The following CYP46A1 variants were observed in gnomAD, a reference collection of about 807,000 sequenced individuals.
The protein encoded by CYP46A1 is cholesterol 24-hydroxylase.
Under a neutral mutation model 63.3 loss-of-function variants are expected in CYP46A1, and 20 were observed. The ratio of observed to expected loss-of-function variants is 0.32; its 90% CI spans 0.22 to 0.46. The LOEUF is 0.46. CYP46A1 is among the 20% of genes least tolerant of loss of function. CYP46A1 has a pLI of 1.00. For missense variants in CYP46A1, 445 were observed against 670.8 expected (o/e 0.66, Z 3.72); for synonymous variants, 268 against 273.6 (o/e 0.98, Z 0.20).
At chr14:99,701,418 T>C (rs745855299) in intron 5 of CYP46A1, among the ~76,000 whole-genome samples, 9 of 152,240 alleles carry the variant, frequency 5.9e-5, no homozygotes, top group Non-Finnish European at 1.3e-4. Context: ...TTTCTATGTT[T>C]AGATATACAA....
chr14:99,713,759 A>G (rs971448555), intron 7 of CYP46A1, among the ~76,000 whole-genome samples: 1 of 148,576 alleles, frequency 6.7e-6, no homozygotes, highest in Non-Finnish European at 1.5e-5. Flanking sequence ...TTAGCCAGGC[A>G]TGGTGTTTGG....
rs2056903734 is a variant in CYP46A1 at position 99,726,684 on chromosome 14, GGCCCCGCGGCTGGCA to G, written c.1465_1479del (p.Arg489_Pro493del). Reference sequence around the variant, plus strand: ...CTGGACCCCGTGCTGTGCACCCTGCGGCCCCGCGGCTGGCAGCCCGCACCCCCACCACCCCCCTGC... The same window carrying G: ...CTGGACCCCGTGCTGTGCACCCTGCGGCCCGCACCCCCACCACCCCCCTGC... On this transcript the variant is annotated inframe_deletion, in exon 15 of 15. Transcript: ENST00000261835. 1.3e-6 allele frequency: 2 copies of G among 1,548,932 alleles called. No homozygotes were observed. Among genetic ancestry groups the G allele is most frequent in the Non-Finnish European group, 1.7e-6 (2 of 1,146,400 alleles).
intron 7 of CYP46A1, chr14:99,710,276 TAATC>T (rs1051318393): frequency 2.0e-5 from 3 of 149,966 alleles, no homozygotes; most frequent in Admixed American, 6.6e-5. Flanking sequence ...AGAAAACAAT[TAATC>T]AAACAACCAG....
intron 9 of CYP46A1, among the ~76,000 whole-genome samples, chr14:99,716,958 C>T (rs746252974): frequency 2.0e-5 from 3 of 152,244 alleles, no homozygotes; most frequent in Admixed American, 1.3e-4. Context: ...TACTGATGGA[C>T]GAAGAGGTCT....
intron 5 of CYP46A1, among the ~76,000 whole-genome samples, chr14:99,701,089 G>A (rs1188671004): frequency 6.6e-6 from 1 of 152,182 alleles, no homozygotes; most frequent in Non-Finnish European, 1.5e-5. Flanking sequence ...CAATTGAACA[G>A]TGTTTGTGTT....
At chr14:99,685,816 GCTCT>G (rs554475821) in intron 1 of CYP46A1, among the ~76,000 whole-genome samples, 1 of 150,574 alleles carries the variant, frequency 6.6e-6, no homozygotes, top group African/African-American at 2.4e-5. Context: ...CCCTTCTGGT[GCTCT>G]CTCTCTCTCT....
intron 1 of CYP46A1, among the ~76,000 whole-genome samples, chr14:99,687,778 T>G (rs1019351975): frequency 6.6e-6 from 1 of 152,058 alleles, no homozygotes; most frequent in African/African-American, 2.4e-5. Context: ...GGTGGGGGAT[T>G]GCCTCTCCTC....
intron 7 of CYP46A1, among the ~76,000 whole-genome samples, chr14:99,714,958 T>C (rs1321811908): frequency 6.6e-6 from 1 of 152,036 alleles, no homozygotes; most frequent in Admixed American, 6.6e-5. Flanking sequence ...AAAGTTGATC[T>C]CATGGAGGTA....
At chr14:99,687,006 T>C (rs528478017) in intron 1 of CYP46A1, among the ~76,000 whole-genome samples, 79 of 152,276 alleles carry the variant, frequency 5.2e-4, no homozygotes, top group African/African-American at 1.9e-3. Context: ...GTGTTGAGTC[T>C]CCAGTAGTAG....
chr14:99,694,945 T>G (rs1440605724), intron 3 of CYP46A1, among the ~76,000 whole-genome samples: 1 of 152,276 alleles, frequency 6.6e-6, no homozygotes, highest in Non-Finnish European at 1.5e-5. Context: ...CATTTCCTTC[T>G]AAGCACTGCT....
At chr14:99,716,271 C>T (rs145572617) in intron 9 of CYP46A1, 72 bp downstream of exon 9, 10 of 1,547,004 alleles carry the variant, frequency 6.5e-6, no homozygotes, top group African/African-American at 4.1e-5. Flanking sequence ...TCCCTCAAAC[C>T]CAACTCTTTG....
chr14:99,706,441 G>T, intron 5 of CYP46A1: 1 of 585,374 alleles, frequency 1.7e-6, no homozygotes, highest in Non-Finnish European at 3.0e-6. Flanking sequence ...TCCATCCTGA[G>T]TGGAGGAGAA....
rs57376439 is a variant in CYP46A1, at chr14:99,705,011, G to A, written c.444-1636G>A. 8.9e-3 allele frequency among the ~76,000 whole-genome samples: 1,358 copies of A among 152,316 alleles called. 17 individuals are homozygous for A. Among genetic ancestry groups the A allele is most frequent in the African/African-American group, 0.031 (1,298 of 41,564 alleles). On this transcript the variant is annotated intron_variant, in intron 5 of 14. Transcript: ENST00000261835. Reference sequence around the variant, plus strand: ...GGCAATGTTATAGGTGGAGGTCAGCGAGAAGCAGACTCCAGCTCTTAAGCT... The same window carrying A: ...GGCAATGTTATAGGTGGAGGTCAGCAAGAAGCAGACTCCAGCTCTTAAGCT...
intron 12 of CYP46A1, among the ~76,000 whole-genome samples, chr14:99,723,574 G>A (rs373585548): frequency 6.6e-6 from 1 of 152,210 alleles, no homozygotes; most frequent in African/African-American, 2.4e-5. Flanking sequence ...CTCCCAAATT[G>A]CTGGGATTAC....
chr14:99,700,016 C>T lies in CYP46A1; in HGVS notation c.358C>T (p.Leu120Phe). 1 of 1,472,076 alleles carries T rather than the reference C, an allele frequency of 6.8e-7. No homozygotes were observed. Among genetic ancestry groups the T allele is most frequent in the Non-Finnish European group, 9.2e-7 (1 of 1,090,884 alleles). 91.2% of individuals were successfully genotyped at this position (1,472,076 alleles called of 1,614,324 possible). Residue 120 changes from leucine to phenylalanine, a missense_variant and splice_region_variant, in exon 5 of 15, where the codon CTC becomes TTC. Transcript: ENST00000261835. ...RALQTVFGER[L>F]FGQGLVSECN... is the part of the protein sequence containing the mutation. ...GCATCACGTGTGTGTCTCCTACAGA[C>T]TCTTCGGCCAAGGCTTGGTGTCCGA... is the stretch of plus-strand genomic sequence containing the variant.
chr14:99,684,667 C>A (rs534911996), intron 1 of CYP46A1, 131 bp downstream of exon 1: 24 of 731,186 alleles, frequency 3.3e-5, no homozygotes, highest in Non-Finnish European at 4.0e-5. Context: ...TCGGCGGCCC[C>A]GAGAGGGGCG....
intron 7 of CYP46A1, among the ~76,000 whole-genome samples, chr14:99,714,676 C>T (rs1476810272): frequency 6.6e-6 from 1 of 151,794 alleles, no homozygotes; most frequent in African/African-American, 2.4e-5. Context: ...AGGAGAATCA[C>T]CTGAACCTGG....
At chr14:99,705,660 C>A (rs2056669702) in intron 5 of CYP46A1, among the ~76,000 whole-genome samples, 1 of 152,254 alleles carries the variant, frequency 6.6e-6, no homozygotes, top group African/African-American at 2.4e-5. Flanking sequence ...GGTGCAGTGG[C>A]TCACACCTGT....
chr14:99,693,315 A>G (rs184867610), intron 3 of CYP46A1: 1 of 152,468 alleles, frequency 6.6e-6, no homozygotes, highest in African/African-American at 2.4e-5. Context: ...TTTTTCATTA[A>G]AAGTTTAATT....
Sources: gnomAD v4.1 joint callset for allele counts (sites outside exome capture counted in the v4.1 genomes callset) on GRCh38, gnomAD v4.1.1 for gene constraint, MANE v1.5 for transcripts, NCBI Gene and HGNC (gene_info 2026-07-23, HGNC 2026-07-21) for gene names.